Variants in IMMP2L observed in about 807,000 individuals in gnomAD.
IMMP2L encodes the protein mitochondrial inner membrane protease subunit 2.
A neutral mutation model predicts 19.3 loss-of-function variants in IMMP2L; 18 were observed. The ratio of observed to expected loss-of-function variants is 0.93; its 90% CI spans 0.64 to 1.38. IMMP2L has a LOEUF of 1.38. IMMP2L is among the 40% of genes most tolerant of loss of function. The pLI is 0.00. For synonymous variants in IMMP2L, 76 were observed against 73.0 expected (o/e 1.04, Z -0.21); for missense variants, 233 against 218.2 (o/e 1.07, Z -0.43).
chr7:111,010,827 C>T (rs537177735), intron 3 of IMMP2L, among the ~76,000 whole-genome samples: 6 of 151,854 alleles, frequency 4.0e-5, no homozygotes, highest in South Asian at 2.1e-4. Context: ...ATGTTTTGGC[C>T]GGAGAAAGGA....
intron 2 of IMMP2L, among the ~76,000 whole-genome samples, chr7:111,508,032 C>A (rs1216158593): frequency 6.6e-6 from 1 of 152,092 alleles, no homozygotes. Context: ...TGAGGGAGGC[C>A]TGATTCACTA....
chr7:110,963,161 T>C (rs1665195301), intron 4 of IMMP2L: 1 of 1,235,684 alleles, frequency 8.1e-7, no homozygotes, highest in Non-Finnish European at 1.1e-6. Context: ...TTGAATTTTT[T>C]TAAATGAACC....
chr7:111,261,137 C>G (rs1270662064), intron 3 of IMMP2L, among the ~76,000 whole-genome samples: 1 of 152,048 alleles, frequency 6.6e-6, no homozygotes, highest in South Asian at 2.1e-4. Flanking sequence ...TATTTAATAA[C>G]ATGACAAGCA....
chr7:111,243,035 T>C (rs908176434), intron 3 of IMMP2L, among the ~76,000 whole-genome samples: 7 of 152,090 alleles, frequency 4.6e-5, no homozygotes, highest in African/African-American at 1.7e-4. Context: ...TTTTGTGCAC[T>C]TTTCTTGTGA....
At chr7:111,108,264 C>A (rs950235882) in intron 3 of IMMP2L, among the ~76,000 whole-genome samples, 1 of 152,108 alleles carries the variant, frequency 6.6e-6, no homozygotes, top group African/African-American at 2.4e-5. Flanking sequence ...ACTTAACACT[C>A]AATTATATTA....
intron 3 of IMMP2L, among the ~76,000 whole-genome samples, chr7:111,365,687 T>C (rs1232411906): frequency 6.6e-6 from 1 of 152,076 alleles, no homozygotes; most frequent in African/African-American, 2.4e-5. Flanking sequence ...TCAGATCTTG[T>C]TGAAACCGAT....
At chr7:111,142,364 G>A (rs1404425347) in intron 3 of IMMP2L, among the ~76,000 whole-genome samples, 1 of 145,432 alleles carries the variant, frequency 6.9e-6, no homozygotes, top group Non-Finnish European at 1.5e-5. Flanking sequence ...AAGAAAGAAA[G>A]AAAGAATAGA....
intron 3 of IMMP2L, among the ~76,000 whole-genome samples, chr7:111,115,932 C>T (rs1235791872): frequency 1.3e-5 from 2 of 152,138 alleles, no homozygotes; most frequent in African/African-American, 4.8e-5. Flanking sequence ...CCAACTCAGC[C>T]TCCCAAAGGG....
chr7:111,503,297 A>G (rs1210359967), intron 2 of IMMP2L, among the ~76,000 whole-genome samples: 1 of 152,202 alleles, frequency 6.6e-6, no homozygotes, highest in Non-Finnish European at 1.5e-5. Context: ...GAATAGAACA[A>G]TAAGAGGCTC....
chr7:111,527,385 A>G (rs1049026240), intron 1 of IMMP2L, among the ~76,000 whole-genome samples: 4 of 136,614 alleles, frequency 2.9e-5, no homozygotes, highest in African/African-American at 1.1e-4. Context: ...CCACCACACT[A>G]CAGCCTAGGT....
chr7:111,098,658 A>T (rs1797651190), intron 3 of IMMP2L, among the ~76,000 whole-genome samples: 1 of 151,772 alleles, frequency 6.6e-6, no homozygotes, highest in Admixed American at 6.6e-5. Flanking sequence ...CACTTAACAT[A>T]CATTTTCTCA....
chr7:110,947,394 T>C (rs1817371774), intron 4 of IMMP2L, among the ~76,000 whole-genome samples: 1 of 152,198 alleles, frequency 6.6e-6, no homozygotes, highest in Non-Finnish European at 1.5e-5. Flanking sequence ...ATTACCATCA[T>C]GCAGTAAACA....
chr7:111,124,613 T>A (rs1801068456), intron 3 of IMMP2L: 1 of 1,613,888 alleles, frequency 6.2e-7, no homozygotes, highest in Non-Finnish European at 8.5e-7. Context: ...ACCAAAGGTT[T>A]GCACCCTGAT....
rs187871702 is a variant in IMMP2L, at chr7:111,357,864, G to C, written c.239+129374C>G. Reference sequence around the variant, plus strand: ...GCATGCCAATCTTCCCATGAGCATGGAAACTGAAAGTAACCCAAGGGCACT... The same window carrying C: ...GCATGCCAATCTTCCCATGAGCATGCAAACTGAAAGTAACCCAAGGGCACT... On this transcript the variant is annotated intron_variant, in intron 3 of 5. Transcript: ENST00000405709. Among the ~76,000 whole-genome samples, 3 of 151,942 alleles carry C rather than the reference G, an allele frequency of 2.0e-5. No homozygotes were observed. In the East Asian group the frequency reaches 5.8e-4, roughly 29 times the overall value.
chr7:111,476,053 C>T (rs1300532117), intron 3 of IMMP2L, among the ~76,000 whole-genome samples: 1 of 152,096 alleles, frequency 6.6e-6, no homozygotes, highest in Non-Finnish European at 1.5e-5. Context: ...CCATTTTGAT[C>T]CCTAAAGCTA....
At position 111,544,034 on chromosome 7, in the gene IMMP2L, G is replaced by T. The variant is rs116952926; in HGVS notation, c.-3+17817C>A. ...GCGACCAACATAATACCTGGCTGAA[G>T]GACAAATTCTATACTTAAAATTAAG... On this transcript the variant is annotated intron_variant, in intron 1 of 5. Coordinates refer to ENST00000405709, the MANE Select transcript of IMMP2L (RefSeq NM_032549.4). Among the ~76,000 whole-genome samples the T allele has an allele frequency of 6.6e-3, 1,012 of 152,200 alleles. 7 individuals are homozygous for T. Among genetic ancestry groups the T allele is most frequent in the Non-Finnish European group, 0.011 (738 of 67,990 alleles).
At chr7:111,204,918 A>G (rs1398236836) in intron 3 of IMMP2L, among the ~76,000 whole-genome samples, 1 of 152,216 alleles carries the variant, frequency 6.6e-6, no homozygotes, top group Non-Finnish European at 1.5e-5. Flanking sequence ...TTTCATCAAT[A>G]TATCAAACTT....
At chr7:110,819,342 C>T (rs756499183) in intron 5 of IMMP2L, among the ~76,000 whole-genome samples, 6 of 151,880 alleles carry the variant, frequency 4.0e-5, no homozygotes, top group Non-Finnish European at 7.4e-5. Flanking sequence ...GAAAGGCCTT[C>T]AAGCCCAAGC....
Position 110,892,077 on chromosome 7 carries a change from C to T in IMMP2L, c.306-5382G>A, listed in dbSNP as rs115223001. 9.6e-3 allele frequency among the ~76,000 whole-genome samples: 1,462 copies of T among 152,200 alleles called. 26 individuals are homozygous for T. Among genetic ancestry groups the T allele is most frequent in the African/African-American group, 0.034 (1,401 of 41,520 alleles). ...GAAGAAGCCTCGAGGTCTCTCTGAC[C>T]TCCTTCCACCTCCTGTTTCTCAACC... On this transcript the variant is annotated intron_variant, in intron 4 of 5. Coordinates refer to ENST00000405709, the MANE Select transcript of IMMP2L (RefSeq NM_032549.4).
Sources: allele counts gnomAD v4.1 joint callset (sites outside exome capture counted in the v4.1 genomes callset), GRCh38; gene constraint gnomAD v4.1.1; transcripts MANE v1.5; gene names NCBI Gene and HGNC (gene_info 2026-07-23, HGNC 2026-07-21).